Variants in RIMS2 observed in about 807,000 individuals in gnomAD.
The protein encoded by RIMS2 is regulating synaptic membrane exocytosis 2, also known as regulating synaptic membrane exocytosis protein 2.
A neutral mutation model predicts 174.4 loss-of-function variants in RIMS2; 59 were observed. The ratio of observed to expected loss-of-function variants is 0.34; its 90% CI spans 0.27 to 0.42. The LOEUF (loss-of-function observed/expected upper bound fraction) is 0.42. Ranked by LOEUF, RIMS2 falls within the 10% of genes least tolerant of loss-of-function variation. The pLI is 1.00. For missense variants in RIMS2, 1,620 were observed against 1,666.3 expected (o/e 0.97, Z 0.48); for synonymous variants, 606 against 572.5 (o/e 1.06, Z -0.84).
rs2076911055 is a variant in RIMS2 at position 103,917,884 on chromosome 8, G to T, written c.2037-557G>T. On this transcript the variant is annotated intron_variant, in intron 8 of 23. Transcript: ENST00000504942. ...AAAATTAGGCTGAGGCAGGAGAATT[G>T]CTTGAACCCAGAAAGTGGAGGTTGC... 2.6e-5 allele frequency among the ~76,000 whole-genome samples: 4 copies of T among 152,084 alleles called. No individual in the cohort carries two copies. The South Asian group carries it at 8.3e-4, about 32-fold the overall frequency.
At chr8:104,018,255 G>A (rs1254245079) in intron 19 of RIMS2, among the ~76,000 whole-genome samples, 3 of 152,182 alleles carry the variant, frequency 2.0e-5, no homozygotes, top group Non-Finnish European at 1.5e-5. Context: ...GGGAAGAAAA[G>A]CAGGGAGAAG....
At chr8:104,184,759 T>C in intron 19 of RIMS2, among the ~76,000 whole-genome samples, 1 of 151,564 alleles carries the variant, frequency 6.6e-6, no homozygotes, top group East Asian at 1.9e-4. Flanking sequence ...TAGAAATCCT[T>C]AGTAAATCAA....
chr8:103,610,158 C>T (rs187627067), intron 1 of RIMS2, among the ~76,000 whole-genome samples: 50 of 151,830 alleles, frequency 3.3e-4, no homozygotes, highest in African/African-American at 1.1e-3. Context: ...ATAGGAATGC[C>T]ACTGGTTTTT....
rs562758510 is a variant in RIMS2 at position 103,768,369 on chromosome 8, A to G, written c.698+1832A>G. The stretch of plus-strand genomic sequence containing the variant: ...CGCAAACTCTGCACTTTTTATGAGA[A>G]GCATATGGCCACAGAAGTTGCTGCT... On this transcript the variant is annotated intron_variant, in intron 3 of 23. Coordinates refer to ENST00000504942, the Ensembl canonical transcript of RIMS2. The G allele has an allele frequency of 1.5e-4, 106 of 728,708 alleles. 2 individuals carry two copies. In the South Asian group the frequency reaches 1.5e-3, roughly 10 times the overall value. The allele number at this position is 728,708 out of a possible 1,614,324, so 45.1% of individuals were successfully genotyped here.
intron 3 of RIMS2, among the ~76,000 whole-genome samples, chr8:103,799,111 T>TA (rs1445130834): frequency 1.3e-5 from 2 of 152,010 alleles, no homozygotes; most frequent in East Asian, 3.9e-4. Flanking sequence ...ACCTTGGTCT[T>TA]ACAACCACAA....
At chr8:103,832,323 CT>C (rs1162455010) in intron 3 of RIMS2, among the ~76,000 whole-genome samples, 1 of 151,962 alleles carries the variant, frequency 6.6e-6, no homozygotes, top group Non-Finnish European at 1.5e-5. Flanking sequence ...TTTTCTTCTA[CT>C]TTTGTTTCTT....
intron 1 of RIMS2, among the ~76,000 whole-genome samples, chr8:103,555,177 C>A (rs1401162922): frequency 6.6e-6 from 1 of 151,682 alleles, no homozygotes; most frequent in Non-Finnish European, 1.5e-5. Flanking sequence ...ACCCCTGAAG[C>A]TAAAATAAAA....
chr8:103,907,269 T>C (rs2074623965), intron 4 of RIMS2, among the ~76,000 whole-genome samples: 2 of 152,218 alleles, frequency 1.3e-5, no homozygotes, highest in Non-Finnish European at 2.9e-5. Context: ...GAACCATTCA[T>C]TTACACACAA....
In RIMS2 at chr8:104,156,069, C is replaced by T. The variant is rs10441490; in HGVS notation, c.3335-88847C>T. ...ACTATGAGAAAACTGAATTTGGAAG[C>T]CAACCTTCAAAATACTGTATTTACC... On this transcript the variant is annotated intron_variant, in intron 19 of 23. Coordinates refer to ENST00000504942, the Ensembl canonical transcript of RIMS2. Among the ~76,000 whole-genome samples the T allele has an allele frequency of 9.8e-3, 1,498 of 152,246 alleles. 13 individuals are homozygous for T. Among genetic ancestry groups the T allele is most frequent in the African/African-American group, 0.032 (1,331 of 41,542 alleles).
chr8:103,812,667 C>A (rs1371347187), intron 3 of RIMS2, among the ~76,000 whole-genome samples: 1 of 152,148 alleles, frequency 6.6e-6, no homozygotes, highest in Non-Finnish European at 1.5e-5. Context: ...CAGGCATTAG[C>A]CACCATGCCA....
intron 4 of RIMS2, among the ~76,000 whole-genome samples, chr8:103,907,950 G>C (rs1344544353): frequency 6.6e-6 from 1 of 150,602 alleles, no homozygotes; most frequent in Non-Finnish European, 1.5e-5. Flanking sequence ...GGGTTTCACC[G>C]TGTTAGCCAG....
intron 19 of RIMS2, among the ~76,000 whole-genome samples, chr8:104,039,805 T>C (rs1019426776): frequency 2.0e-5 from 3 of 151,726 alleles, no homozygotes; most frequent in South Asian, 2.1e-4. Flanking sequence ...AACAAAAATA[T>C]AGCATGTGTC....
At chr8:103,594,627 A>C (rs2094413325) in intron 1 of RIMS2, among the ~76,000 whole-genome samples, 2 of 151,818 alleles carry the variant, frequency 1.3e-5, no homozygotes. Flanking sequence ...AATAATAAGA[A>C]TCAACTGTAT....
At chr8:103,585,214 G>C (rs1351823473) in intron 1 of RIMS2, among the ~76,000 whole-genome samples, 1 of 152,112 alleles carries the variant, frequency 6.6e-6, no homozygotes, top group Non-Finnish European at 1.5e-5. Flanking sequence ...AGTCAGAATG[G>C]CGATTATTAA....
chr8:103,882,778 G>T (rs2099174242), intron 3 of RIMS2, among the ~76,000 whole-genome samples: 1 of 151,344 alleles, frequency 6.6e-6, no homozygotes, highest in Non-Finnish European at 1.5e-5. Flanking sequence ...CTTTCTCTTG[G>T]AACTGAATTC....
exon 4 of RIMS2, chr8:103,885,782 A>G (rs1434773876): frequency 6.2e-7 from 1 of 1,613,030 alleles, no homozygotes; most frequent in Middle Eastern, 1.7e-4. Flanking sequence ...ATCAAGGCAA[A>G]GATCTATATC....
At chr8:103,888,799 C>CT (rs969614042) in intron 4 of RIMS2, among the ~76,000 whole-genome samples, 5 of 151,324 alleles carry the variant, frequency 3.3e-5, no homozygotes, top group African/African-American at 1.2e-4. Flanking sequence ...ATGGCTTTCA[C>CT]TTTTTTTTAT....
At chr8:103,826,549 A>G (rs1159886548) in intron 3 of RIMS2, among the ~76,000 whole-genome samples, 2 of 151,908 alleles carry the variant, frequency 1.3e-5, no homozygotes. Flanking sequence ...TTGTATAAGC[A>G]TGGTTCTATT....
intron 19 of RIMS2, among the ~76,000 whole-genome samples, chr8:104,162,060 A>AT (rs993836709): frequency 3.8e-4 from 58 of 152,236 alleles, no homozygotes; most frequent in African/African-American, 1.4e-3. Flanking sequence ...AAATCTCCCT[A>AT]TTTTAAGGTT....
Sources: allele counts gnomAD v4.1 joint callset (sites outside exome capture counted in the v4.1 genomes callset), GRCh38; gene constraint gnomAD v4.1.1; transcripts MANE v1.5; gene names NCBI Gene and HGNC (gene_info 2026-07-23, HGNC 2026-07-21).